The following COG7 variants were observed in gnomAD, a reference collection of about 807,000 sequenced individuals.
COG7 encodes component of oligomeric golgi complex 7.
A neutral mutation model predicts 91.5 loss-of-function variants in COG7; 49 were observed. The ratio of observed to expected loss-of-function variants is 0.54; its 90% CI spans 0.43 to 0.68. The LOEUF (loss-of-function observed/expected upper bound fraction) is 0.68, where lower values mean the gene tolerates loss of function less well. Among genes scored for constraint, COG7 ranks in the 30% least tolerant of loss-of-function variants. The probability of loss-of-function intolerance (pLI) is 0.00; values close to 1 mark genes in which losing one functional copy is unlikely to be tolerated. For synonymous variants in COG7, 365 were observed against 388.7 expected (o/e 0.94, Z 0.72); for missense variants, 895 against 961.3 (o/e 0.93, Z 0.91).
chr16:23,394,208 A>G (rs930340324), intron 14 of COG7, among the ~76,000 whole-genome samples: 1 of 152,232 alleles, frequency 6.6e-6, no homozygotes, highest in African/African-American at 2.4e-5. Flanking sequence ...TTTTCATAAT[A>G]TAAACTCTTG....
chr16:23,444,044 C>T (rs1247556407), intron 3 of COG7, among the ~76,000 whole-genome samples: 4 of 151,330 alleles, frequency 2.6e-5, no homozygotes, highest in East Asian at 2.0e-4. Flanking sequence ...CCCAGGTACT[C>T]GGGAGGCTGA....
At chr16:23,409,084 T>TGC (rs1963516887) in intron 11 of COG7, among the ~76,000 whole-genome samples, 1 of 126,464 alleles carries the variant, frequency 7.9e-6, no homozygotes, top group African/African-American at 3.4e-5. Flanking sequence ...TGTGTGTGTG[T>TGC]GTGTGCGTGC....
chr16:23,424,660 A>G (rs1963814630), intron 7 of COG7, 89 bp downstream of exon 7: 1 of 1,354,378 alleles, frequency 7.4e-7, no homozygotes, highest in Admixed American at 1.7e-5. Context: ...AAAATCAGTC[A>G]TCTGAAAAGG....
chr16:23,434,826 T>C (rs754359291), intron 4 of COG7, 108 bp from the exon 5 acceptor site: 2 of 753,584 alleles, frequency 2.7e-6, no homozygotes, highest in Non-Finnish European at 4.8e-6. Flanking sequence ...ATTCACAAGT[T>C]CCTGCCTAGA....
chr16:23,449,426 T>TAAAATAAAATAAAATAAAATAAAAA (rs1567350235), intron 1 of COG7, among the ~76,000 whole-genome samples: 1 of 119,912 alleles, frequency 8.3e-6, no homozygotes, highest in Non-Finnish European at 1.9e-5. Flanking sequence ...TAAAATAAAA[T>TAAAATAAAATAAAATAAAATAAAAA]AAAAAATAAA....
chr16:23,403,414 C>G (rs974905145), intron 13 of COG7, among the ~76,000 whole-genome samples: 6 of 152,218 alleles, frequency 3.9e-5, no homozygotes, highest in African/African-American at 1.4e-4. Flanking sequence ...TGCACATAAT[C>G]TCTATTACTT....
At chr16:23,401,871 C>T (rs913882446) in intron 13 of COG7, among the ~76,000 whole-genome samples, 12 of 152,000 alleles carry the variant, frequency 7.9e-5, no homozygotes, top group Non-Finnish European at 1.8e-4. Context: ...GCCTGGGCAA[C>T]CTGACGAAAC....
rs1963137318 is a variant in COG7, at chr16:23,388,855, A to G, written c.*65T>C. On this transcript the variant is annotated 3_prime_UTR_variant, in exon 17 of 17. Coordinates refer to ENST00000307149, the MANE Select transcript of COG7 (RefSeq NM_153603.4). ...CAATCTTGGGCAGAGTTTCTGAGCA[A>G]ATCTGTGCTGGTGAGTCGCGAAACA... 6.2e-7 allele frequency: 1 copy of G among 1,607,846 alleles called. No homozygotes were observed. The highest frequency in any genetic ancestry group is 1.4e-5 in the African/African-American group (1 of 73,314).
At position 23,452,826 on chromosome 16, in the gene COG7, C is replaced by T. The variant is rs1410883046; in HGVS notation, c.169G>A (p.Glu57Lys). 1.2e-6 allele frequency: 2 copies of T among 1,611,686 alleles called. No individual in the cohort carries two copies. Among genetic ancestry groups the T allele is most frequent in the Non-Finnish European group, 1.7e-6 (2 of 1,179,314 alleles). ...FIQEVNHAVE[E>K]TSHQALQNMP... is the part of the protein sequence containing the mutation. ...GCGGCCAGGGCCCCGAGCGGCTCAC[C>T]CTCCACGGCGTGGTTCACCTCTTGG... Residue 57 changes from glutamate (E) to lysine (K), a missense_variant and splice_region_variant, in exon 1 of 17, where the codon GAA becomes AAA. Coordinates refer to ENST00000307149, the MANE Select transcript of COG7 (RefSeq NM_153603.4).
chr16:23,397,013 G>A lies in COG7; in HGVS notation c.1887+1033C>T, dbSNP rs543097532. ...CAGCGTCGACCTCCTGGGCTCAAGCGATTCTCCCACCTCAGCACCCCAAGT... is the reference window on the plus strand; with the variant it reads ...CAGCGTCGACCTCCTGGGCTCAAGCAATTCTCCCACCTCAGCACCCCAAGT... On this transcript the variant is annotated intron_variant, in intron 14 of 16. Coordinates refer to ENST00000307149, the MANE Select transcript of COG7 (RefSeq NM_153603.4). Among the ~76,000 whole-genome samples, 116 of 152,054 alleles carry A rather than the reference G, an allele frequency of 7.6e-4. 2 individuals carry two copies. Among genetic ancestry groups the A allele is most frequent in the Admixed American group, 2.6e-4 (4 of 15,250 alleles).
At chr16:23,450,734 G>A (rs437647) in intron 1 of COG7, among the ~76,000 whole-genome samples, 43,552 of 151,874 alleles carry the variant, frequency 0.29, 7,310 homozygotes, top group African/African-American at 0.46. Flanking sequence ...CAGGAGGCTG[G>A]GGCAGGAGAA....
At chr16:23,432,842 TG>T (rs2142086879) in intron 6 of COG7, among the ~76,000 whole-genome samples, 1 of 152,288 alleles carries the variant, frequency 6.6e-6, no homozygotes, top group South Asian at 2.1e-4. Context: ...AAATTTTACC[TG>T]AAGTAAAGAT....
chr16:23,427,485 A>AC (rs1031944886), intron 6 of COG7, among the ~76,000 whole-genome samples: 2 of 152,008 alleles, frequency 1.3e-5, no homozygotes, highest in African/African-American at 4.8e-5. Flanking sequence ...AAAGAAAAAA[A>AC]AAAAACAAAA....
intron 11 of COG7, among the ~76,000 whole-genome samples, chr16:23,409,331 G>A (rs1963525909): frequency 6.6e-6 from 1 of 152,166 alleles, no homozygotes; most frequent in African/African-American, 2.4e-5. Flanking sequence ...TTTACGGGCT[G>A]AGTAAAGCAA....
chr16:23,439,884 T>C (rs1205737646), intron 4 of COG7, among the ~76,000 whole-genome samples: 1 of 152,060 alleles, frequency 6.6e-6, no homozygotes, highest in Non-Finnish European at 1.5e-5. Context: ...TTTTTTAAAT[T>C]TTTTTCTAAA....
At chr16:23,445,671 G>T in intron 2 of COG7, 142 bp downstream of exon 2, 1 of 839,214 alleles carries the variant, frequency 1.2e-6, no homozygotes, top group Non-Finnish European at 2.0e-6. Context: ...AAAAAAAAGA[G>T]CATAGCTGGA....
intron 10 of COG7, among the ~76,000 whole-genome samples, chr16:23,411,945 G>C (rs368228365): frequency 6.6e-6 from 1 of 150,636 alleles, no homozygotes; most frequent in Non-Finnish European, 1.5e-5. Flanking sequence ...CAATGGTGCA[G>C]TCTTGGCTCA....
chr16:23,408,043 C>A (rs927876313), intron 11 of COG7, among the ~76,000 whole-genome samples: 1 of 139,788 alleles, frequency 7.2e-6, no homozygotes, highest in Non-Finnish European at 1.5e-5. Flanking sequence ...TAGCTCAGAG[C>A]CCAGGAAAGC....
chr16:23,400,112 C>T (rs970633217), intron 13 of COG7, among the ~76,000 whole-genome samples: 6 of 152,124 alleles, frequency 3.9e-5, no homozygotes, highest in African/African-American at 1.4e-4. Flanking sequence ...TTATACTCTT[C>T]TCCCTACTTC....
Sources: gnomAD v4.1 joint callset for allele counts (sites outside exome capture counted in the v4.1 genomes callset) on GRCh38, gnomAD v4.1.1 for gene constraint, MANE v1.5 for transcripts, NCBI Gene and HGNC (gene_info 2026-07-23, HGNC 2026-07-21) for gene names.